The following EDRF1 variants were observed in gnomAD, a reference collection of about 807,000 sequenced individuals.
EDRF1 encodes erythroid differentiation-related factor 1.
Under a neutral mutation model 148.7 loss-of-function variants are expected in EDRF1, and 69 were observed. The ratio of observed to expected loss-of-function variants is 0.46; its 90% CI spans 0.38 to 0.57. The LOEUF is 0.57. Among genes scored for constraint, EDRF1 ranks in the 20% least tolerant of loss-of-function variants. EDRF1 has a pLI of 0.00. For missense variants in EDRF1, 1,118 were observed against 1,478.7 expected (o/e 0.76, Z 4.00); for synonymous variants, 515 against 532.8 (o/e 0.97, Z 0.46).
At chr10:125,737,609 C>T (rs1041688991) in intron 13 of EDRF1, among the ~76,000 whole-genome samples, 2 of 152,150 alleles carry the variant, frequency 1.3e-5, no homozygotes, top group Non-Finnish European at 2.9e-5. Context: ...ATTGGTGATA[C>T]TTGTTATTTC....
chr10:125,753,719 C>G lies in EDRF1; in HGVS notation c.3419C>G (p.Ala1140Gly). The change falls in exon 24 of 25, where the codon GCT becomes GGT. Residue 1140 changes from alanine (A) to glycine (G), a missense_variant. Ala to Gly is a moderately conservative substitution (Grantham distance 60, BLOSUM62 0). Around this residue, in one of 3 missense-constraint regions of EDRF1, gnomAD observed 954 missense variants for 1,241.4 expected, o/e 0.77. Coordinates refer to ENST00000356792, the MANE Select transcript of EDRF1 (RefSeq NM_001202438.2). Reference sequence around the variant, plus strand: ...CCTAAGAGTGGTGACGCCGCTGCAGCTGCTGATGCTTCTCCTAGTCTCAAT... The same window carrying G: ...CCTAAGAGTGGTGACGCCGCTGCAGGTGCTGATGCTTCTCCTAGTCTCAAT... ...GQPKSGDAAA[A>G]ADASPSLNRE... is the part of the protein sequence containing the mutation. 6.2e-7 allele frequency: 1 copy of G among 1,614,030 alleles called. No individual in the cohort carries two copies. The highest frequency in any genetic ancestry group is 1.3e-5 in the African/African-American group (1 of 74,978).
chr10:125,725,886 C>T (rs1848236730), intron 6 of EDRF1, 48 bp downstream of exon 6: 2 of 1,585,466 alleles, frequency 1.3e-6, no homozygotes, highest in Non-Finnish European at 8.6e-7. Flanking sequence ...GAAAACAAAG[C>T]CTTTTTTAAC....
At chr10:125,762,901 G>A (rs1185048515) in intron 24 of EDRF1, among the ~76,000 whole-genome samples, 1 of 152,058 alleles carries the variant, frequency 6.6e-6, no homozygotes, top group Non-Finnish European at 1.5e-5. Context: ...TTTTCTTCAT[G>A]GCCGTCCGTC....
At chr10:125,759,438 G>A (rs558158681) in intron 24 of EDRF1, among the ~76,000 whole-genome samples, 11 of 152,108 alleles carry the variant, frequency 7.2e-5, no homozygotes, top group African/African-American at 2.7e-4. Flanking sequence ...ACTTTTTCCG[G>A]TTCTGCACCA....
intron 3 of EDRF1, among the ~76,000 whole-genome samples, chr10:125,723,424 A>T (rs1036733600): frequency 6.6e-6 from 1 of 152,180 alleles, no homozygotes; most frequent in African/African-American, 2.4e-5. Flanking sequence ...AGTGTTTGGG[A>T]TTATTCTGTA....
intron 22 of EDRF1, 120 bp downstream of exon 22, chr10:125,749,685 T>C: frequency 8.3e-7 from 1 of 1,211,318 alleles, no homozygotes; most frequent in Non-Finnish European, 1.2e-6. Flanking sequence ...GCCCCATAGT[T>C]AATGACTTCG....
chr10:125,723,663 C>T, intron 3 of EDRF1, 148 bp from the exon 4 acceptor site: 1 of 774,322 alleles, frequency 1.3e-6, no homozygotes, highest in South Asian at 1.8e-5. Context: ...TGTGTGTTTG[C>T]ATGTAGCTTT....
intron 18 of EDRF1, chr10:125,744,762 A>G (rs148804549): frequency 4.7e-4 from 71 of 152,342 alleles, no homozygotes; most frequent in African/African-American, 1.6e-3. Context: ...CATTTGGTTA[A>G]TAGTGAAGAG....
Position 125,719,855 on chromosome 10 carries a change from C to T in EDRF1, c.48C>T (p.Ala16=). 1.9e-6 allele frequency: 3 copies of T among 1,612,794 alleles called. No homozygotes were observed. Among genetic ancestry groups the T allele is most frequent in the Non-Finnish European group, 2.5e-6 (3 of 1,179,764 alleles). The change falls in exon 1 of 25, where the codon GCC becomes GCT. Residue 16 remains alanine (A), a synonymous_variant. Coordinates refer to ENST00000356792, the MANE Select transcript of EDRF1 (RefSeq NM_001202438.2). Reference sequence around the variant, plus strand: ...GAGCCGAGGGTCCGCCGGCCGGGGCCGCCGCTCGAGGAGGGCTCAGCCTCC... The same window carrying T: ...GAGCCGAGGGTCCGCCGGCCGGGGCTGCCGCTCGAGGAGGGCTCAGCCTCC... ...EAGAEGPPAG[A]AARGGLSLLS...
chr10:125,761,289 A>G, intron 24 of EDRF1: 1 of 337,402 alleles, frequency 3.0e-6, no homozygotes, highest in Middle Eastern at 4.5e-4. Context: ...TAGAAATTCT[A>G]GCAGTAGCAG....
chr10:125,735,506 C>T (rs990363055), intron 12 of EDRF1, 138 bp from the exon 13 acceptor site: 4 of 807,232 alleles, frequency 5.0e-6, no homozygotes, highest in Non-Finnish European at 7.9e-6. Flanking sequence ...GAACTGGGAA[C>T]ATTTCTGTGT....
chr10:125,742,305 C>T, intron 17 of EDRF1: 1 of 1,280,674 alleles, frequency 7.8e-7, no homozygotes, highest in South Asian at 1.3e-5. Context: ...ACCACGCTGC[C>T]ATTAACACAG....
chr10:125,736,049 A>T, intron 13 of EDRF1, 145 bp downstream of exon 13: 3 of 894,802 alleles, frequency 3.4e-6, no homozygotes, highest in Non-Finnish European at 5.1e-6. Context: ...GAATTCTTAA[A>T]GTTGGTTTTA....
chr10:125,732,280 G>A (rs1051704398), intron 9 of EDRF1, among the ~76,000 whole-genome samples: 2 of 152,162 alleles, frequency 1.3e-5, no homozygotes, highest in Admixed American at 6.6e-5. Flanking sequence ...TTAGCAAGGC[G>A]GAGGGGAACA....
chr10:125,748,196 T>TATTCCC, intron 21 of EDRF1, 184 bp downstream of exon 21: 1 of 705,142 alleles, frequency 1.4e-6, no homozygotes, highest in East Asian at 2.7e-5. Flanking sequence ...ATGTCCGCAT[T>TATTCCC]GTGCTCCATG....
intron 19 of EDRF1, 93 bp from the exon 20 acceptor site, chr10:125,747,443 C>A: frequency 7.5e-7 from 1 of 1,327,896 alleles, no homozygotes; most frequent in Non-Finnish European, 1.1e-6. Flanking sequence ...ATTAAATTAA[C>A]ATCTGGGTAG....
At chr10:125,741,422 A>G (rs1429431416) in intron 17 of EDRF1, 3 of 545,510 alleles carry the variant, frequency 5.5e-6, no homozygotes, top group Non-Finnish European at 1.0e-5. Context: ...GGTTCAAGCA[A>G]TTCTCCTGCC....
Position 125,725,782 on chromosome 10 carries a change from C to A in EDRF1, c.736C>A (p.Pro246Thr). The A allele has an allele frequency of 6.2e-7, 1 of 1,613,966 alleles. No homozygotes were observed. The highest frequency in any genetic ancestry group is 8.5e-7 in the Non-Finnish European group (1 of 1,180,010). Reference protein sequence around the residue: ...QTNDSEGASWPAPFEMPSSVS... With the variant: ...QTNDSEGASWTAPFEMPSSVS... ...AAATGATTCGGAAGGGGCTTCATGG[C>A]CTGCTCCCTTCGAAATGCCTTCTTC... is the stretch of plus-strand genomic sequence containing the variant. Residue 246 changes from proline to threonine, a missense_variant, in exon 6 of 25, where the codon CCT becomes ACT. Physicochemically the swap from Pro to Thr is conservative, Grantham distance 38. Coordinates refer to ENST00000356792, the MANE Select transcript of EDRF1 (RefSeq NM_001202438.2).
intron 6 of EDRF1, among the ~76,000 whole-genome samples, chr10:125,727,734 A>G (rs894751860): frequency 6.6e-6 from 1 of 152,218 alleles, no homozygotes; most frequent in Non-Finnish European, 1.5e-5. Flanking sequence ...AGTAAGACAG[A>G]TGTTTGTGGA....
Sources: allele counts gnomAD v4.1 joint callset (sites outside exome capture counted in the v4.1 genomes callset), GRCh38; gene constraint gnomAD v4.1.1; regional missense constraint gnomAD v4.1.1; transcripts MANE v1.5; gene names NCBI Gene and HGNC (gene_info 2026-07-23, HGNC 2026-07-21).